VPS33B: variants seen among roughly 807,000 people sequenced by gnomAD.
The protein encoded by VPS33B is VPS33B late endosome and lysosome associated.
In VPS33B, 80 loss-of-function variants were observed where a neutral mutation model predicts 95.3. The observed-to-expected ratio is 0.84, with a 90% CI of 0.70 to 1.01. The LOEUF (loss-of-function observed/expected upper bound fraction) is 1.01, where lower values mean the gene tolerates loss of function less well. Among genes scored for constraint, VPS33B ranks in the 50% least tolerant of loss-of-function variants. The pLI is 0.00. For synonymous variants in VPS33B, 280 were observed against 280.4 expected (o/e 1.00, Z 0.01); for missense variants, 715 against 773.4 (o/e 0.92, Z 0.90).
In VPS33B at chr15:91,006,791, C is replaced by T. The variant is rs529064481; in HGVS notation, c.701-62G>A. 6.2e-6 allele frequency: 10 copies of T among 1,603,224 alleles called. No homozygotes were observed. The highest frequency in any genetic ancestry group is 2.7e-5 in the African/African-American group (2 of 74,822). ...GACCCAGCCTTCTACACAGCATGTC[C>T]AAGGGCAGCTTTGATACTTTCCATA... On this transcript the variant is annotated intron_variant, in intron 9 of 22. Coordinates refer to ENST00000333371, the MANE Select transcript of VPS33B (RefSeq NM_018668.5). The surrounding 1 kb of genome is among the most constrained non-coding windows in gnomAD (Gnocchi z 5.4).
In VPS33B at chr15:91,012,024, AC is replaced by A. The variant is rs574562536; in HGVS notation, c.357+1779del. Among the ~76,000 whole-genome samples the A allele has an allele frequency of 3.3e-3, 501 of 150,932 alleles. 4 individuals are homozygous for A. Among genetic ancestry groups the A allele is most frequent in the African/African-American group, 0.011 (464 of 41,250 alleles). ...ACAAAACAAAACAAAACAAAACAAG[AC>A]AAGACAAAACACCAAAGCTGTCCTT... is the stretch of plus-strand genomic sequence containing the variant. On this transcript the variant is annotated intron_variant, in intron 5 of 22. Transcript: ENST00000333371.
intron 3 of VPS33B, among the ~76,000 whole-genome samples, chr15:91,014,662 C>A (rs2040874574): frequency 6.6e-6 from 1 of 151,962 alleles, no homozygotes; most frequent in Admixed American, 6.6e-5. Flanking sequence ...ATGGTGGACC[C>A]AAAAGTTCCT....
chr15:91,005,278 T>A lies in VPS33B; in HGVS notation c.1105+102A>T. On this transcript the variant is annotated intron_variant, in intron 14 of 22. Transcript: ENST00000333371. This position sits in a 1 kb window ranked among gnomAD's most constrained non-coding sequence, Gnocchi z 6.4. Reference sequence around the variant, plus strand: ...GAACCAGCATTCCACATAGCCAGTGTCAGCTGGAAAGAGCCAGAGAACATC... The same window carrying A: ...GAACCAGCATTCCACATAGCCAGTGACAGCTGGAAAGAGCCAGAGAACATC... The A allele has an allele frequency of 1.2e-6, 2 of 1,612,758 alleles. No homozygotes were observed. Among genetic ancestry groups the A allele is most frequent in the South Asian group, 2.2e-5 (2 of 90,924 alleles).
chr15:91,003,775 C>T (rs1042361582), intron 16 of VPS33B, among the ~76,000 whole-genome samples: 1 of 152,172 alleles, frequency 6.6e-6, no homozygotes, highest in Non-Finnish European at 1.5e-5. Flanking sequence ...GGCAGTTCTA[C>T]TAGGAACTGC....
Position 91,005,058 on chromosome 15 carries a change from C to T in VPS33B, c.1167G>A (p.Arg389=), listed in dbSNP as rs753414529. 1.2e-6 allele frequency: 2 copies of T among 1,614,136 alleles called. No homozygotes were observed. The highest frequency in any genetic ancestry group is 1.1e-5 in the South Asian group (1 of 91,096). The change falls in exon 15 of 23, where the codon CGG becomes CGA. Residue 389 remains arginine, a synonymous_variant. Transcript: ENST00000333371. The surrounding 1 kb of genome is among the most constrained non-coding windows in gnomAD (Gnocchi z 6.4). The part of the protein sequence containing the change: ...STSYIEEHID[R]QVSPIESLRL... ...CCCCAGCCCTCCACCTGCGCACCTGCCGGTCTATGTGTTCCTCAATGTAGC... is the reference window on the plus strand; with the variant it reads ...CCCCAGCCCTCCACCTGCGCACCTGTCGGTCTATGTGTTCCTCAATGTAGC...
rs2040773036 is a variant in VPS33B, at chr15:91,011,325, C to A, written c.358-1479G>T. On this transcript the variant is annotated intron_variant, in intron 5 of 22. Transcript: ENST00000333371. The surrounding 1 kb of genome is among the most constrained non-coding windows in gnomAD (Gnocchi z 5.5). Reference sequence around the variant, plus strand: ...GTGTTTTACAGGAATCACTTGTCTTCATCTTCATACTAGCTCTGTGAGATG... The same window carrying A: ...GTGTTTTACAGGAATCACTTGTCTTAATCTTCATACTAGCTCTGTGAGATG... Among the ~76,000 whole-genome samples the A allele has an allele frequency of 6.6e-6, 1 of 152,220 alleles. No homozygotes were observed. Among genetic ancestry groups the A allele is most frequent in the Non-Finnish European group, 1.5e-5 (1 of 68,030 alleles).
In VPS33B at chr15:91,000,178, G is replaced by A. The variant is rs1245674935; in HGVS notation, c.1582-203C>T. Among the ~76,000 whole-genome samples, 4 of 152,114 alleles carry A rather than the reference G, an allele frequency of 2.6e-5. No individual in the cohort carries two copies. Among genetic ancestry groups the A allele is most frequent in the Admixed American group, 6.5e-5 (1 of 15,274 alleles). ...GGGGATCACCTGAGGTCAGGAGTTC[G>A]AGACCAGCCTGGTCAACATATAGTT... On this transcript the variant is annotated intron_variant, in intron 20 of 22. Transcript: ENST00000333371. This position sits in a 1 kb window ranked among gnomAD's most constrained non-coding sequence, Gnocchi z 4.9.
chr15:91,000,670 G>A lies in VPS33B; in HGVS notation c.1480-79C>T. On this transcript the variant is annotated intron_variant, in intron 19 of 22. Coordinates refer to ENST00000333371, the MANE Select transcript of VPS33B (RefSeq NM_018668.5). This position sits in a 1 kb window ranked among gnomAD's most constrained non-coding sequence, Gnocchi z 4.9. ...TTAAAGGGTCAGATAAAGTGGCATGGCCCAAGGAACAATTCTTATTTCAAC... is the reference window on the plus strand; with the variant it reads ...TTAAAGGGTCAGATAAAGTGGCATGACCCAAGGAACAATTCTTATTTCAAC... 2 of 1,250,466 alleles carry A rather than the reference G, an allele frequency of 1.6e-6. No homozygotes were observed. The highest frequency in any genetic ancestry group is 2.3e-6 in the Non-Finnish European group (2 of 870,568). 77.5% of individuals were successfully genotyped at this position (1,250,466 alleles called of 1,614,324 possible). A position where few individuals can be genotyped will look rare whatever the true frequency, so the allele number is the denominator to read the frequency against.
Position 91,000,663 on chromosome 15 carries a change from T to C in VPS33B, c.1480-72A>G, listed in dbSNP as rs2040411964. On this transcript the variant is annotated intron_variant, in intron 19 of 22. Coordinates refer to ENST00000333371, the MANE Select transcript of VPS33B (RefSeq NM_018668.5). The surrounding 1 kb of genome is among the most constrained non-coding windows in gnomAD (Gnocchi z 4.9). ...TAACCCTTTAAAGGGTCAGATAAAG[T>C]GGCATGGCCCAAGGAACAATTCTTA... 7.5e-7 allele frequency: 1 copy of C among 1,334,174 alleles called. No homozygotes were observed. The allele number at this position is 1,334,174 out of a possible 1,614,324, so 82.6% of individuals were successfully genotyped here. A position where few individuals can be genotyped will look rare whatever the true frequency, so the allele number is the denominator to read the frequency against.
At chr15:91,001,239 G>C (rs1167092362) in intron 19 of VPS33B, 150 bp downstream of exon 19, 3 of 594,896 alleles carry the variant, frequency 5.0e-6, no homozygotes, top group Non-Finnish European at 9.1e-6. Context: ...GAACCTGGGA[G>C]GCAGAGGTTG....
intron 2 of VPS33B, among the ~76,000 whole-genome samples, chr15:91,017,468 T>G (rs1485277776): frequency 1.5e-5 from 2 of 131,250 alleles, no homozygotes; most frequent in African/African-American, 5.7e-5. Flanking sequence ...AATTTAAATT[T>G]AAAAATTAAC....
chr15:91,020,603 G>A (rs754103746), intron 1 of VPS33B, among the ~76,000 whole-genome samples: 25 of 152,164 alleles, frequency 1.6e-4, no homozygotes, highest in Admixed American at 6.6e-4. Flanking sequence ...GAAAGAAGCC[G>A]GGAGTGGTAG....
chr15:91,007,937 G>C lies in VPS33B; in HGVS notation c.431C>G (p.Ser144Cys). The C allele has an allele frequency of 6.2e-7, 1 of 1,614,212 alleles. No homozygotes were observed. The highest frequency in any genetic ancestry group is 8.5e-7 in the Non-Finnish European group (1 of 1,180,044). Residue 144 changes from serine to cysteine, a missense_variant, in exon 7 of 23, where the codon TCT (serine) becomes TGT (cysteine). Ser to Cys is a moderately radical substitution (Grantham distance 112). Transcript: ENST00000333371. This position sits in a 1 kb window ranked among gnomAD's most constrained non-coding sequence, Gnocchi z 5.3. ...CAGATCCACATCAAGAGGCAGCAAA[G>C]AGAAGGCCCATTCATCACAGCTCAC... The part of the protein sequence containing the change: ...GDVSCDEWAF[S>C]LLPLDVDLLS...
chr15:90,999,030 G>C lies in VPS33B; in HGVS notation c.1799C>G (p.Thr600Arg). ...EKGYRFIFLTTAVTNSARLME... is the reference protein window; with the variant it reads ...EKGYRFIFLTRAVTNSARLME... ...AAGGCGAGCGCTGTTTGTGACTGCT[G>C]TCGTCAGGAAAATGAACCTGTAGCC... Residue 600 changes from threonine to arginine, a missense_variant, in exon 23 of 23, where the codon ACA becomes AGA. Coordinates refer to ENST00000333371, the MANE Select transcript of VPS33B (RefSeq NM_018668.5). This position sits in a 1 kb window ranked among gnomAD's most constrained non-coding sequence, Gnocchi z 5.1. 2 of 1,614,196 alleles carry C rather than the reference G, an allele frequency of 1.2e-6. No homozygotes were observed. The highest frequency in any genetic ancestry group is 2.2e-5 in the East Asian group (1 of 44,880).
intron 1 of VPS33B, 100 bp downstream of exon 1, chr15:91,022,053 CA>C: frequency 7.3e-7 from 1 of 1,362,436 alleles, no homozygotes. Flanking sequence ...AGGACAATAC[CA>C]GGGGCCAAGA....
rs754113358 is a variant in VPS33B, at chr15:91,004,927, G to A, written c.1175C>T (p.Ser392Leu). 4 of 1,614,154 alleles carry A rather than the reference G, an allele frequency of 2.5e-6. No homozygotes were observed. Among genetic ancestry groups the A allele is most frequent in the South Asian group, 2.2e-5 (2 of 91,076 alleles). ...CATGAGGCGCAGGCTTTCTATAGGC[G>A]ACACCTGCATAGGAAGAAAGAATCA... The part of the protein sequence containing the change: ...YIEEHIDRQV[S>L]PIESLRLMCL... Residue 392 changes from serine to leucine, a missense_variant, in exon 16 of 23, where the codon TCG (serine) becomes TTG (leucine). Physicochemically the swap from Ser to Leu is moderately radical, Grantham distance 145. Transcript: ENST00000333371.
rs2040907174 is a variant in VPS33B at position 91,015,776 on chromosome 15, G to A, written c.239+1187C>T. 6.6e-6 allele frequency among the ~76,000 whole-genome samples: 1 copy of A among 152,124 alleles called. No homozygotes were observed. Among genetic ancestry groups the A allele is most frequent in the Admixed American group, 6.5e-5 (1 of 15,280 alleles). On this transcript the variant is annotated intron_variant, in intron 3 of 22. Transcript: ENST00000333371. This position sits in a 1 kb window ranked among gnomAD's most constrained non-coding sequence, Gnocchi z 4.7. ...AGCCAGGAGCTCAAGGCTGCAGTGA[G>A]CTATGATTGCACCACTGCACTCCAG...
Position 91,020,835 on chromosome 15 carries a change from C to T in VPS33B, c.96+1319G>A, listed in dbSNP as rs181578348. Among the ~76,000 whole-genome samples the T allele has an allele frequency of 2.7e-3, 408 of 152,218 alleles. 2 individuals are homozygous for T. The highest frequency in any genetic ancestry group is 9.3e-3 in the African/African-American group (387 of 41,514). Reference sequence around the variant, plus strand: ...GGTGGAGGTTGCAGTTAGCCAAGATCGCGCCACTGCACTCCAGCCTGGGCA... The same window carrying T: ...GGTGGAGGTTGCAGTTAGCCAAGATTGCGCCACTGCACTCCAGCCTGGGCA... On this transcript the variant is annotated intron_variant, in intron 1 of 22. Transcript: ENST00000333371.
chr15:91,007,172 ATATGGCCC>A lies in VPS33B; in HGVS notation c.604-134_604-127del. 1 of 1,003,578 alleles carries A rather than the reference ATATGGCCC, an allele frequency of 1.0e-6. No homozygotes were observed. Among genetic ancestry groups the A allele is most frequent in the Non-Finnish European group, 1.5e-6 (1 of 646,008 alleles). The allele number at this position is 1,003,578 out of a possible 1,614,324, so 62.2% of individuals were successfully genotyped here. A position where few individuals can be genotyped will look rare whatever the true frequency, so the allele number is the denominator to read the frequency against. On this transcript the variant is annotated intron_variant, in intron 8 of 22. Coordinates refer to ENST00000333371, the MANE Select transcript of VPS33B (RefSeq NM_018668.5). The surrounding 1 kb of genome is among the most constrained non-coding windows in gnomAD (Gnocchi z 5.3). Reference sequence around the variant, plus strand: ...CCGAGACAGGAGCTAATTATTCACAATATGGCCCTATCTACTCCCGTCTGTGTCTATCT... The same window carrying A: ...CCGAGACAGGAGCTAATTATTCACAATATCTACTCCCGTCTGTGTCTATCT...
Sources: allele counts gnomAD v4.1 joint callset (sites outside exome capture counted in the v4.1 genomes callset), GRCh38; gene constraint gnomAD v4.1.1; non-coding constraint Gnocchi (gnomAD v3.1); transcripts MANE v1.5; gene names NCBI Gene and HGNC (gene_info 2026-07-23, HGNC 2026-07-21).